Variants in SLC39A5 observed in about 807,000 individuals in gnomAD.
SLC39A5 encodes the protein zinc transporter ZIP5.
A neutral mutation model predicts 46.9 loss-of-function variants in SLC39A5; 42 were observed. The observed-to-expected ratio is 0.90, with a 90% confidence interval of 0.70 to 1.16. SLC39A5 has a LOEUF of 1.16. Among genes scored for constraint, SLC39A5 ranks in the 50% most tolerant of loss-of-function variants. The pLI, the probability that SLC39A5 is intolerant of heterozygous loss-of-function variation, is 0.00. For synonymous variants in SLC39A5, 311 were observed against 323.1 expected, an observed-to-expected ratio of 0.96 and a Z score of 0.40; for missense variants, 677 against 686.8, an observed-to-expected ratio of 0.99 and a Z score of 0.16.
intron 1 of SLC39A5, 36 bp from the exon 2 acceptor site, chr12:56,230,201 AGAG>A (rs1480498736): frequency 6.5e-6 from 1 of 152,778 alleles, no homozygotes; most frequent in Non-Finnish European, 1.5e-5. Flanking sequence ...GTCAGACATC[AGAG>A]GAGAGCCCAG....
At chr12:56,237,503 G>T in intron 12 of SLC39A5, 85 bp from the exon 13 acceptor site, 1 of 1,591,700 alleles carries the variant, frequency 6.3e-7, no homozygotes, top group Admixed American at 1.7e-5. Context: ...TTGGGTGGGG[G>T]CTGCTGATGC....
chr12:56,234,703 C>T, intron 5 of SLC39A5, 121 bp from the exon 6 acceptor site: 1 of 1,066,556 alleles, frequency 9.4e-7, no homozygotes, highest in South Asian at 1.5e-5. Context: ...TCAGATGATA[C>T]ACCCGCCTGG....
At chr12:56,233,978 AC>A (rs1011408276) in intron 5 of SLC39A5, among the ~76,000 whole-genome samples, 3 of 152,154 alleles carry the variant, frequency 2.0e-5, no homozygotes, top group Non-Finnish European at 4.4e-5. Context: ...GCTCACTAGC[AC>A]CCAGTTTGCA....
At position 56,237,807 on chromosome 12, in the gene SLC39A5, T is replaced by A; in HGVS notation, c.*76T>A. ...GAATGGAGGCGGGACACAGGGCCAG[T>A]AGGAGCAATAGGATTTTAATAAACA... On this transcript the variant is annotated 3_prime_UTR_variant, in exon 13 of 13. Coordinates refer to ENST00000454355, the MANE Select transcript of SLC39A5 (RefSeq NM_173596.3). The A allele has an allele frequency of 6.9e-7, 1 of 1,441,104 alleles. No individual in the cohort carries two copies. The allele number at this position is 1,441,104 out of a possible 1,614,324, so 89.3% of individuals were successfully genotyped here. A position where few individuals can be genotyped will look rare whatever the true frequency, so the allele number is the denominator to read the frequency against.
chr12:56,237,526 T>C, intron 12 of SLC39A5, 62 bp from the exon 13 acceptor site: 6 of 1,607,064 alleles, frequency 3.7e-6, no homozygotes, highest in South Asian at 2.2e-5. Context: ...TCTGACACCA[T>C]TCCTCTGGAG....
At chr12:56,233,264 C>CAAAAAAAAAA (rs71081337) in intron 5 of SLC39A5, among the ~76,000 whole-genome samples, 1 of 31,012 alleles carries the variant, frequency 3.2e-5, no homozygotes, top group Non-Finnish European at 5.3e-5. Context: ...GACTCTGTCT[C>CAAAAAAAAAA]AAAAAAAAAA....
intron 6 of SLC39A5, 64 bp from the exon 7 acceptor site, chr12:56,235,093 C>T: frequency 2.6e-6 from 4 of 1,566,606 alleles, no homozygotes; most frequent in Non-Finnish European, 3.5e-6. Context: ...GTTCTCTCTG[C>T]TCCACCTTAC....
In SLC39A5 at chr12:56,230,866, G is replaced by A. The variant is rs542977392; in HGVS notation, c.-79G>A. 5.9e-4 allele frequency: 103 copies of A among 174,944 alleles called. No individual in the cohort carries two copies. In the South Asian group the frequency reaches 0.011, roughly 18 times the overall value. 10.8% of individuals were successfully genotyped at this position (174,944 alleles called of 1,614,324 possible). On this transcript the variant is annotated 5_prime_UTR_variant, in exon 3 of 13. Transcript: ENST00000454355. Reference sequence around the variant, plus strand: ...ACGTCTACAGCAAGGCCTAATAGGGGACCTGAGGTGACAGCTCTTATGTTG... The same window carrying A: ...ACGTCTACAGCAAGGCCTAATAGGGAACCTGAGGTGACAGCTCTTATGTTG...
chr12:56,237,349 T>A lies in SLC39A5; in HGVS notation c.1479+9T>A. ...TGGCCCTTGTGGACATGGTGAGAGA[T>A]GTCGGGTAGAGCAGAGAAATCAAGG... is the stretch of plus-strand genomic sequence containing the variant. On this transcript the variant is annotated intron_variant, in intron 12 of 12. Coordinates refer to ENST00000454355, the MANE Select transcript of SLC39A5 (RefSeq NM_173596.3). 7.6e-6 allele frequency: 12 copies of A among 1,577,600 alleles called. No homozygotes were observed. The highest frequency in any genetic ancestry group is 1.4e-5 in the African/African-American group (1 of 74,066).
At chr12:56,232,977 G>A (rs187944287) in intron 5 of SLC39A5, 105 bp downstream of exon 5, 132 of 1,217,496 alleles carry the variant, frequency 1.1e-4, no homozygotes, top group Admixed American at 8.9e-4. Context: ...AAATCCCAAC[G>A]TGGACCAAGC....
intron 5 of SLC39A5, 70 bp downstream of exon 5, chr12:56,232,942 T>C: frequency 6.7e-7 from 1 of 1,481,872 alleles, no homozygotes; most frequent in Non-Finnish European, 9.1e-7. Flanking sequence ...AAATAATCAG[T>C]AGTTTTTTGT....
In SLC39A5 at chr12:56,231,423, A is replaced by G. The variant is rs749082532; in HGVS notation, c.149A>G (p.Asn50Ser). The G allele has an allele frequency of 6.2e-7, 1 of 1,614,116 alleles. No homozygotes were observed. The highest frequency in any genetic ancestry group is 8.5e-7 in the Non-Finnish European group (1 of 1,180,004). ...LAQLFGLYGE[N>S]GTLTAGGLAR... is the part of the protein sequence containing the mutation. Reference sequence around the variant, plus strand: ...CAGCTGTTTGGCCTGTACGGCGAGAATGGGACGCTGACTGCAGGGGGCTTG... The same window carrying G: ...CAGCTGTTTGGCCTGTACGGCGAGAGTGGGACGCTGACTGCAGGGGGCTTG... Residue 50 changes from asparagine (N) to serine (S), a missense_variant, in exon 4 of 13, where the codon AAT becomes AGT. Asn to Ser is a conservative substitution (Grantham distance 46, BLOSUM62 1). Coordinates refer to ENST00000454355, the MANE Select transcript of SLC39A5 (RefSeq NM_173596.3).
chr12:56,234,875 C>T lies in SLC39A5; in HGVS notation c.523C>T (p.Pro175Ser). ...CAATTTTGGCTTGAGCCCCGCTGCT[C>T]CTCTGACCCCTCGTCAGTTTGCTCT... Reference protein sequence around the residue: ...LVNFGLSPAAPLTPRQFALLC... With the variant: ...LVNFGLSPAASLTPRQFALLC... The change falls in exon 6 of 13, where the codon CCT (proline) becomes TCT (serine). Residue 175 changes from proline (P) to serine (S), a missense_variant. Coordinates refer to ENST00000454355, the MANE Select transcript of SLC39A5 (RefSeq NM_173596.3). 1 of 1,613,774 alleles carries T rather than the reference C, an allele frequency of 6.2e-7. No homozygotes were observed. The highest frequency in any genetic ancestry group is 2.2e-5 in the East Asian group (1 of 44,874).
intron 4 of SLC39A5, among the ~76,000 whole-genome samples, chr12:56,232,314 C>T (rs1870304008): frequency 6.6e-6 from 1 of 151,760 alleles, no homozygotes; most frequent in Admixed American, 6.6e-5. Context: ...TACAGGCACA[C>T]ACCACCACGC....
Position 56,235,223 on chromosome 12 carries a change from T to C in SLC39A5, c.701T>C (p.Leu234Pro). The change falls in exon 7 of 13, where the codon CTG (leucine) becomes CCG (proline). Residue 234 changes from leucine to proline, a missense_variant. Leu to Pro is a moderately conservative substitution (Grantham distance 98). Transcript: ENST00000454355. ...SLPSPLSLLL[L>P]RLLGPRLLRP... ...CCTTCTCCCCTATCCCTGCTGCTGC[T>C]GCGGCTCCTGGGACCTCGTCTACTA... 1 of 1,584,026 alleles carries C rather than the reference T, an allele frequency of 6.3e-7. No homozygotes were observed. Among genetic ancestry groups the C allele is most frequent in the Non-Finnish European group, 8.6e-7 (1 of 1,166,716 alleles).
In SLC39A5 at chr12:56,232,726, G is replaced by T. The variant is rs201550254; in HGVS notation, c.325G>T (p.Gly109Trp). ...TGAGCTGAGTGTGGATGTCTGGGCA[G>T]GGATGCCTCTGGGTCCCTCAGGGTG... ...NPELSVDVWAGMPLGPSGWGD... is the reference protein window; with the variant it reads ...NPELSVDVWAWMPLGPSGWGD... The change falls in exon 5 of 13, where the codon GGG becomes TGG. Residue 109 changes from glycine to tryptophan, a missense_variant. Gly to Trp is a radical substitution (Grantham distance 184, BLOSUM62 -2). Transcript: ENST00000454355. The T allele has an allele frequency of 3.3e-5, 53 of 1,611,438 alleles. No homozygotes were observed. The East Asian group carries it at 1.2e-3, about 35-fold the overall frequency.
rs1417147696 is a variant in SLC39A5 at position 56,231,331 on chromosome 12, G to C, written c.57G>C (p.Leu19Phe). Residue 19 changes from leucine (L) to phenylalanine (F), a missense_variant, in exon 4 of 13, where the codon TTG (leucine) becomes TTC (phenylalanine). Coordinates refer to ENST00000454355, the MANE Select transcript of SLC39A5 (RefSeq NM_173596.3). ...CCGGCTTCTGTGTGTGGGTCGTCTT[G>C]GGCTGGGTAGGGGGCTCAGTCCCCA... ...LLAGFCVWVVLGWVGGSVPNL... is the reference protein window; with the variant it reads ...LLAGFCVWVVFGWVGGSVPNL... 6.2e-7 allele frequency: 1 copy of C among 1,613,398 alleles called. No individual in the cohort carries two copies. The highest frequency in any genetic ancestry group is 8.5e-7 in the Non-Finnish European group (1 of 1,179,886).
intron 8 of SLC39A5, among the ~76,000 whole-genome samples, chr12:56,236,144 C>T (rs888781144): frequency 5.9e-5 from 9 of 152,214 alleles, no homozygotes; most frequent in East Asian, 1.9e-4. Context: ...CAGGACCTAT[C>T]GGCTAACAGG....
chr12:56,235,053 G>A (rs1215408939), intron 6 of SLC39A5, 67 bp downstream of exon 6: 6 of 1,598,876 alleles, frequency 3.8e-6, no homozygotes, highest in Admixed American at 3.4e-5. Context: ...CAAAAAGGAG[G>A]CTCACTGGGG....
Sources: allele counts gnomAD v4.1 joint callset (sites outside exome capture counted in the v4.1 genomes callset), GRCh38; gene constraint gnomAD v4.1.1; transcripts MANE v1.5; gene names NCBI Gene and HGNC (gene_info 2026-07-23, HGNC 2026-07-21).